Variants in THSD4 observed in about 807,000 individuals in gnomAD.
THSD4 encodes the protein thrombospondin type 1 domain containing 4.
In THSD4, 69 loss-of-function variants were observed where a neutral mutation model predicts 119.0. That is an observed-to-expected ratio of 0.58 (90% CI 0.48 to 0.71). THSD4 has a LOEUF of 0.71. Among genes scored for constraint, THSD4 ranks in the 30% least tolerant of loss-of-function variants. The pLI is 0.00. For missense variants in THSD4, 1,393 were observed against 1,391.1 expected (o/e 1.00, Z -0.02); for synonymous variants, 524 against 540.4 (o/e 0.97, Z 0.42).
At position 71,749,697 on chromosome 15, in the gene THSD4, T is replaced by TTATTTATTTA. The variant is rs61573060; in HGVS notation, c.2415+1104_2415+1105insATTTATTTAT. 2.2e-3 allele frequency among the ~76,000 whole-genome samples: 304 copies of TTATTTATTTA among 137,666 alleles called. 3 individuals are homozygous for TTATTTATTTA. The highest frequency in any genetic ancestry group is 0.013 in the East Asian group (64 of 4,778). The allele number at this position is 137,666 out of a possible 152,430, so 90.3% of individuals were successfully genotyped here. On this transcript the variant is annotated intron_variant, in intron 14 of 17. Coordinates refer to ENST00000261862, the MANE Select transcript of THSD4 (RefSeq NM_024817.3). ...TTTTAATATTTTTATATTTTTAAAT[T>TTATTTATTTA]TTTATTTATTTATTTATTTATTTAT...
At chr15:71,268,184 T>G (rs139111606) in intron 6 of THSD4, among the ~76,000 whole-genome samples, 29 of 152,290 alleles carry the variant, frequency 1.9e-4, no homozygotes, top group African/African-American at 5.5e-4. Context: ...ATCGGACCTA[T>G]TTTAAAGTTG....
chr15:71,369,863 T>G (rs1321609998), intron 6 of THSD4, among the ~76,000 whole-genome samples: 3 of 152,196 alleles, frequency 2.0e-5, no homozygotes, highest in Non-Finnish European at 4.4e-5. Flanking sequence ...TGGTACCAGT[T>G]CCTCCTTGTA....
intron 7 of THSD4, among the ~76,000 whole-genome samples, chr15:71,610,431 G>T (rs1391817491): frequency 6.6e-6 from 1 of 152,064 alleles, no homozygotes; most frequent in East Asian, 1.9e-4. Flanking sequence ...GGAAGGCACT[G>T]GGGCATACTC....
chr15:71,291,812 CTACCATTTGCAT>C (rs2044795685), intron 6 of THSD4, among the ~76,000 whole-genome samples: 1 of 152,104 alleles, frequency 6.6e-6, no homozygotes, highest in South Asian at 2.1e-4. Context: ...AACACATAAC[CTACCATTTGCAT>C]TTTGCTTTTT....
chr15:71,137,089 C>G (rs776127653), intron 1 of THSD4, among the ~76,000 whole-genome samples: 2 of 152,144 alleles, frequency 1.3e-5, no homozygotes, highest in Non-Finnish European at 2.9e-5. Context: ...GGTGGGGCCT[C>G]CATCTCCCAA....
At chr15:71,525,754 A>G (rs1262422165) in intron 7 of THSD4, among the ~76,000 whole-genome samples, 1 of 152,210 alleles carries the variant, frequency 6.6e-6, no homozygotes, top group Non-Finnish European at 1.5e-5. Context: ...TTTTGGAGAT[A>G]CATTCTTTGC....
intron 6 of THSD4, among the ~76,000 whole-genome samples, chr15:71,358,086 T>C (rs976672): frequency 0.99 from 151,031 of 152,306 alleles, 74,891 homozygotes; most frequent in Middle Eastern, 1. Flanking sequence ...TGGCTTCTCC[T>C]TCTTTTCCAG....
chr15:71,510,540 G>T (rs1396415390), intron 7 of THSD4, among the ~76,000 whole-genome samples: 5 of 152,208 alleles, frequency 3.3e-5, no homozygotes, highest in Non-Finnish European at 5.9e-5. Context: ...GATCAGGGAG[G>T]TCCTTGCTTG....
At chr15:71,735,583 T>TCTCTCTCTCTCTCTTG in intron 10 of THSD4, among the ~76,000 whole-genome samples, 2 of 150,840 alleles carry the variant, frequency 1.3e-5, no homozygotes, top group East Asian at 1.9e-4. Context: ...ACTCTCTGTT[T>TCTCTCTCTCTCTCTTG]CTCTCTCTCT....
chr15:71,326,064 A>G (rs1298430034), intron 6 of THSD4, among the ~76,000 whole-genome samples: 3 of 152,224 alleles, frequency 2.0e-5, no homozygotes, highest in African/African-American at 7.2e-5. Flanking sequence ...ACTATTCTGC[A>G]AAGCTGCCAG....
chr15:71,136,551 T>C (rs12912838), intron 1 of THSD4, among the ~76,000 whole-genome samples: 16,289 of 152,150 alleles, frequency 0.11, 1,211 homozygotes, highest in East Asian at 0.44. Context: ...TACTTCCTTC[T>C]AGCATCTCTG....
At chr15:71,317,444 G>C (rs1228555152) in intron 6 of THSD4, among the ~76,000 whole-genome samples, 3 of 152,178 alleles carry the variant, frequency 2.0e-5, no homozygotes, top group African/African-American at 4.8e-5. Flanking sequence ...CATGGTGGCA[G>C]GCAAGAGAGC....
chr15:71,626,705 A>G (rs1382342377), intron 7 of THSD4, among the ~76,000 whole-genome samples: 2 of 152,240 alleles, frequency 1.3e-5, no homozygotes, highest in Non-Finnish European at 2.9e-5. Context: ...TCATCTGATT[A>G]TAACGCATTA....
intron 11 of THSD4, chr15:71,738,301 G>A (rs757091898): frequency 1.6e-5 from 5 of 307,952 alleles, no homozygotes; most frequent in Non-Finnish European, 2.4e-5. Context: ...CACTGATCTC[G>A]CCCACCCACC....
chr15:71,646,265 CCT>C (rs568257825), intron 7 of THSD4, among the ~76,000 whole-genome samples: 110 of 152,214 alleles, frequency 7.2e-4, no homozygotes, highest in Non-Finnish European at 1.5e-3. Context: ...CCTCTGCACA[CCT>C]CTCTGAATAG....
At chr15:71,318,370 G>C (rs1362046508) in intron 6 of THSD4, among the ~76,000 whole-genome samples, 2 of 152,116 alleles carry the variant, frequency 1.3e-5, no homozygotes, top group Non-Finnish European at 2.9e-5. Context: ...GATGGAGCAT[G>C]GTTTGAAGTG....
chr15:71,141,002 G>A (rs761306934), intron 1 of THSD4, among the ~76,000 whole-genome samples: 2 of 152,160 alleles, frequency 1.3e-5, no homozygotes, highest in Non-Finnish European at 2.9e-5. Context: ...TGTTTTCAAG[G>A]TTCATCCCCA....
chr15:71,569,513 A>C (rs1017931779), intron 7 of THSD4, among the ~76,000 whole-genome samples: 2 of 152,250 alleles, frequency 1.3e-5, no homozygotes, highest in South Asian at 2.1e-4. Flanking sequence ...TAGAATTTAC[A>C]AGAAAACAAA....
chr15:71,424,730 C>T (rs1476085454), intron 7 of THSD4, among the ~76,000 whole-genome samples: 1 of 152,154 alleles, frequency 6.6e-6, no homozygotes, highest in Non-Finnish European at 1.5e-5. Context: ...ACATTAACCA[C>T]GCTATGATTT....
Sources: allele counts gnomAD v4.1 joint callset (sites outside exome capture counted in the v4.1 genomes callset), GRCh38; gene constraint gnomAD v4.1.1; transcripts MANE v1.5; gene names NCBI Gene and HGNC (gene_info 2026-07-23, HGNC 2026-07-21).